NIBAN1: variants seen among roughly 807,000 people sequenced by gnomAD.
The protein encoded by NIBAN1 is protein Niban 1.
In NIBAN1, 81 loss-of-function variants were observed where a neutral mutation model predicts 75.1. The observed-to-expected ratio is 1.08, with a 90% CI of 0.90 to 1.30. NIBAN1 has a LOEUF of 1.30. Ranked by LOEUF, NIBAN1 falls within the 50% of genes most tolerant of loss-of-function variation. The pLI is 0.00. For missense variants in NIBAN1, 1,133 were observed against 1,128.1 expected (o/e 1.00, Z -0.06); for synonymous variants, 436 against 424.8 (o/e 1.03, Z -0.32).
intron 5 of NIBAN1, among the ~76,000 whole-genome samples, chr1:184,855,599 A>C (rs903055512): frequency 6.6e-6 from 1 of 151,948 alleles, no homozygotes; most frequent in African/African-American, 2.4e-5. Context: ...CAACCCCAGC[A>C]CTCCTGGATC....
At chr1:184,955,088 T>G (rs1658450258) in intron 1 of NIBAN1, among the ~76,000 whole-genome samples, 4 of 152,206 alleles carry the variant, frequency 2.6e-5, no homozygotes, top group Admixed American at 2.6e-4. Flanking sequence ...ATTGTATTAC[T>G]TCAATATGTA....
chr1:184,823,860 T>A (rs570659286), intron 6 of NIBAN1, 118 bp from the exon 7 acceptor site: 3 of 733,898 alleles, frequency 4.1e-6, no homozygotes, highest in Admixed American at 2.5e-5. Context: ...AACTCTGTAG[T>A]AGGTTAATAG....
At chr1:184,883,970 C>A (rs1656442989) in intron 5 of NIBAN1, among the ~76,000 whole-genome samples, 1 of 152,152 alleles carries the variant, frequency 6.6e-6, no homozygotes, top group South Asian at 2.1e-4. Flanking sequence ...TTCTTGCTGG[C>A]ATTTAGATTT....
chr1:184,908,824 C>A (rs1557910084), intron 1 of NIBAN1, among the ~76,000 whole-genome samples: 1 of 152,096 alleles, frequency 6.6e-6, no homozygotes, highest in African/African-American at 2.4e-5. Flanking sequence ...CTGTCTAATG[C>A]CCCCCAAGGA....
chr1:184,815,789 C>G (rs1654512115), intron 9 of NIBAN1, among the ~76,000 whole-genome samples: 1 of 152,198 alleles, frequency 6.6e-6, no homozygotes, highest in South Asian at 2.1e-4. Context: ...TAATCCGCAT[C>G]ATGGATTAAA....
chr1:184,933,038 A>T (rs1367463605), intron 1 of NIBAN1, among the ~76,000 whole-genome samples: 2 of 152,254 alleles, frequency 1.3e-5, no homozygotes, highest in Non-Finnish European at 2.9e-5. Context: ...AAGAGTAATT[A>T]GATAAAGTGC....
At chr1:184,860,371 T>G (rs1410697611) in intron 5 of NIBAN1, among the ~76,000 whole-genome samples, 1 of 152,116 alleles carries the variant, frequency 6.6e-6, no homozygotes. Context: ...CAAAATATTA[T>G]AAAATTAGCT....
intron 2 of NIBAN1, 61 bp downstream of exon 2, chr1:184,899,118 G>T: frequency 6.4e-7 from 1 of 1,553,104 alleles, no homozygotes; most frequent in Non-Finnish European, 8.8e-7. Context: ...TCAGAAATAC[G>T]GCTGTGCTAT....
At chr1:184,832,238 C>T (rs962875029) in intron 5 of NIBAN1, among the ~76,000 whole-genome samples, 2 of 152,178 alleles carry the variant, frequency 1.3e-5, no homozygotes, top group Non-Finnish European at 2.9e-5. Context: ...CTCTCTTATA[C>T]ATGCTCCCCT....
chr1:184,823,129 T>G, intron 8 of NIBAN1, 38 bp downstream of exon 8: 1 of 1,604,928 alleles, frequency 6.2e-7, no homozygotes, highest in Non-Finnish European at 8.5e-7. Flanking sequence ...CATGTACAGC[T>G]TATTTAATTA....
At chr1:184,935,253 C>T (rs1657925905) in intron 1 of NIBAN1, among the ~76,000 whole-genome samples, 1 of 151,926 alleles carries the variant, frequency 6.6e-6, no homozygotes, top group African/African-American at 2.4e-5. Flanking sequence ...CGTGGTTCAC[C>T]CAGCACTTTG....
chr1:184,799,211 G>C (rs1487538049), intron 12 of NIBAN1, among the ~76,000 whole-genome samples: 1 of 148,728 alleles, frequency 6.7e-6, no homozygotes, highest in Non-Finnish European at 1.5e-5. Context: ...CCCCACAACA[G>C]TCCCCAGAGT....
intron 5 of NIBAN1, among the ~76,000 whole-genome samples, chr1:184,836,033 C>A (rs982291950): frequency 6.6e-6 from 1 of 152,024 alleles, no homozygotes; most frequent in Non-Finnish European, 1.5e-5. Context: ...GTTTTTAAAT[C>A]GAAGTATTTT....
chr1:184,956,908 G>A (rs944022410), intron 1 of NIBAN1, among the ~76,000 whole-genome samples: 4 of 152,184 alleles, frequency 2.6e-5, no homozygotes, highest in Non-Finnish European at 5.9e-5. Context: ...ATAAGCCACT[G>A]AGCGTTGATG....
At chr1:184,818,924 T>C in intron 8 of NIBAN1, 99 bp from the exon 9 acceptor site, 1 of 1,349,662 alleles carries the variant, frequency 7.4e-7, no homozygotes, top group Non-Finnish European at 1.0e-6. Context: ...ACGGAGCCAT[T>C]TAACAGCCAA....
At chr1:184,868,045 A>C in intron 5 of NIBAN1, 1 of 985,390 alleles carries the variant, frequency 1.0e-6, no homozygotes, top group Non-Finnish European at 1.2e-6. Context: ...CCATGCCCTG[A>C]TCTCCCACCA....
chr1:184,862,751 T>C (rs1655848778), intron 5 of NIBAN1, among the ~76,000 whole-genome samples: 1 of 152,084 alleles, frequency 6.6e-6, no homozygotes, highest in Non-Finnish European at 1.5e-5. Flanking sequence ...CCTTTTGTGG[T>C]CATATGAGAA....
intron 4 of NIBAN1, among the ~76,000 whole-genome samples, chr1:184,885,245 C>T (rs1159450063): frequency 6.6e-6 from 1 of 152,100 alleles, no homozygotes; most frequent in Admixed American, 6.5e-5. Flanking sequence ...GACAGGGTTT[C>T]ACCTTGTTGG....
intron 12 of NIBAN1, among the ~76,000 whole-genome samples, chr1:184,799,457 G>A (rs1019262739): frequency 5.5e-4 from 83 of 150,084 alleles, no homozygotes; most frequent in African/African-American, 1.9e-3. Flanking sequence ...GGACATTTGG[G>A]TTGGTTCCAA....
Sources: gnomAD v4.1 joint callset for allele counts (sites outside exome capture counted in the v4.1 genomes callset) on GRCh38, gnomAD v4.1.1 for gene constraint, MANE v1.5 for transcripts, NCBI Gene and HGNC (gene_info 2026-07-23, HGNC 2026-07-21) for gene names.